NRK: variants seen among roughly 807,000 people sequenced by gnomAD.
The protein encoded by NRK is Nik related kinase.
In NRK, 67 loss-of-function variants were observed where a neutral mutation model predicts 125.2. That is an observed-to-expected ratio of 0.54 (90% CI 0.44 to 0.66). The LOEUF (loss-of-function observed/expected upper bound fraction) is 0.66, where lower values mean the gene tolerates loss of function less well. NRK is among the 30% of genes least tolerant of loss of function. The pLI, the probability that NRK is intolerant of heterozygous loss-of-function variation, is 0.00. For missense variants in NRK, 1,224 were observed against 1,192.9 expected, an observed-to-expected ratio of 1.03 and a Z score of -0.38; for synonymous variants, 458 against 429.0, an observed-to-expected ratio of 1.07 and a Z score of -0.84.
chrX:105,824,145 T>TA (rs768716985), intron 1 of NRK, among the ~76,000 whole-genome samples: 202 of 111,973 alleles, frequency 1.8e-3, no homozygotes, highest in African/African-American at 6.3e-3. Context: ...CTCTGCCATT[T>TA]AAAAAAAATC....
At chrX:105,948,295 A>G (rs2040844764) in intron 26 of NRK, 1 of 118,229 alleles carries the variant, frequency 8.5e-6, no homozygotes, top group African/African-American at 3.2e-5. Flanking sequence ...CCCAATTAGG[A>G]TACCTTGTGT....
At chrX:105,948,467 C>G (rs1224520549) in intron 26 of NRK, 1 of 327,308 alleles carries the variant, frequency 3.1e-6, no homozygotes. Flanking sequence ...TACAAGGGAA[C>G]CATGTGTGCT....
At chrX:105,947,652 C>T (rs895415567) in intron 26 of NRK, among the ~76,000 whole-genome samples, 3 of 111,177 alleles carry the variant, frequency 2.7e-5, no homozygotes, top group Non-Finnish European at 5.7e-5. Context: ...AAAAGGAAGG[C>T]CTAAACCAAC....
rs35145709 is a variant in NRK at position 105,949,686 on chromosome X, C to T, written c.4465C>T (p.Leu1489Phe). The T allele has an allele frequency of 3.7e-4, 443 of 1,200,043 alleles. 2 individuals carry two copies. The African/African-American group carries it at 6.8e-3, about 19-fold the overall frequency. ...CCTCTCTGTGGAAGCAAATGAACAA[C>T]TCTTCAAGAAGATCCTTGAAATGTG... ...EALSVEANEQ[L>F]FKKILEMWKD... The change falls in exon 27 of 29, where the codon CTC (leucine) becomes TTC (phenylalanine). Residue 1489 changes from leucine to phenylalanine, a missense_variant. Physicochemically the swap from Leu to Phe is conservative, Grantham distance 22. Coordinates refer to ENST00000243300, the MANE Select transcript of NRK (RefSeq NM_198465.4).
chrX:105,921,613 T>C (rs1216848837), intron 16 of NRK, among the ~76,000 whole-genome samples: 2 of 110,026 alleles, frequency 1.8e-5, no homozygotes, highest in Non-Finnish European at 3.8e-5. Flanking sequence ...CTCCCAGTCC[T>C]TCCTACTCTT....
chrX:105,926,760 C>T (rs1219371130), intron 19 of NRK, among the ~76,000 whole-genome samples: 4 of 110,908 alleles, frequency 3.6e-5, no homozygotes, highest in Admixed American at 2.9e-4. Context: ...GTTCTTTCCC[C>T]AGTGAATATT....
chrX:105,953,389 G>GA (rs1464790985), intron 28 of NRK, among the ~76,000 whole-genome samples: 1 of 111,689 alleles, frequency 9.0e-6, no homozygotes, highest in Non-Finnish European at 1.9e-5. Context: ...AGCTCATTTT[G>GA]AAAAAAATAA....
chrX:105,909,239 G>T lies in NRK; in HGVS notation c.1598G>T (p.Gly533Val), dbSNP rs1342547183. Reference protein sequence around the residue: ...QDQVPEQQRQGQAPEQQQRHN... With the variant: ...QDQVPEQQRQVQAPEQQQRHN... ...CAGGTACCCGAACAACAAAGGCAGGGCCAGGCCCCTGAACAACAGCAGAGG... is the reference window on the plus strand; with the variant it reads ...CAGGTACCCGAACAACAAAGGCAGGTCCAGGCCCCTGAACAACAGCAGAGG... Residue 533 changes from glycine to valine, a missense_variant, in exon 13 of 29, where the codon GGC becomes GTC. Coordinates refer to ENST00000243300, the MANE Select transcript of NRK (RefSeq NM_198465.4). 1.7e-6 allele frequency: 2 copies of T among 1,209,737 alleles called. No individual in the cohort carries two copies. The highest frequency in any genetic ancestry group is 3.0e-5 in the East Asian group (1 of 33,613).
At chrX:105,953,608 G>T (rs1257997785) in intron 28 of NRK, among the ~76,000 whole-genome samples, 1 of 111,667 alleles carries the variant, frequency 9.0e-6, no homozygotes, top group Non-Finnish European at 1.9e-5. Context: ...GCACTTAATT[G>T]TATAGTAGGC....
At chrX:105,940,547 C>A (rs1045609995) in intron 23 of NRK, among the ~76,000 whole-genome samples, 1 of 111,134 alleles carries the variant, frequency 9.0e-6, no homozygotes, top group Non-Finnish European at 1.9e-5. Context: ...CTGTGATCTG[C>A]TGGCTCTCAC....
chrX:105,835,784 T>A (rs1163951084), intron 2 of NRK, among the ~76,000 whole-genome samples: 1 of 110,423 alleles, frequency 9.1e-6, no homozygotes, highest in Non-Finnish European at 1.9e-5. Context: ...CTGCAGTGGC[T>A]TCTCATCTCC....
chrX:105,824,715 A>C (rs2039070512), intron 1 of NRK, among the ~76,000 whole-genome samples: 1 of 110,923 alleles, frequency 9.0e-6, no homozygotes, highest in Non-Finnish European at 1.9e-5. Context: ...AGATAAGAGG[A>C]AAGTCTGCAG....
chrX:105,923,891 C>CTATATATATA (rs1204761152), intron 18 of NRK, among the ~76,000 whole-genome samples: 1,089 of 47,519 alleles, frequency 0.023, 20 homozygotes, highest in Non-Finnish European at 0.03. Flanking sequence ...TGTGATATCA[C>CTATATATATA]TATATATATA....
chrX:105,884,256 T>C (rs1569300840), intron 4 of NRK, among the ~76,000 whole-genome samples: 2 of 111,973 alleles, frequency 1.8e-5, no homozygotes, highest in Non-Finnish European at 3.8e-5. Flanking sequence ...GTTGAATGTT[T>C]ATAGGTAAAT....
chrX:105,882,958 A>T (rs1191019569), intron 4 of NRK, among the ~76,000 whole-genome samples: 2 of 112,352 alleles, frequency 1.8e-5, no homozygotes, highest in Non-Finnish European at 3.8e-5. Flanking sequence ...TTCCTTAGAG[A>T]AAAGGATTTT....
intron 1 of NRK, among the ~76,000 whole-genome samples, chrX:105,826,293 T>TATAGA (rs1189322864): frequency 3.2e-4 from 14 of 44,153 alleles, no homozygotes; most frequent in African/African-American, 2.2e-3. Context: ...ATATATATTA[T>TATAGA]CATATATATA....
At chrX:105,847,511 A>G (rs2039418327) in intron 2 of NRK, among the ~76,000 whole-genome samples, 1 of 112,319 alleles carries the variant, frequency 8.9e-6, no homozygotes, top group Non-Finnish European at 1.9e-5. Flanking sequence ...CAGCATGCCC[A>G]GTGCACAATA....
chrX:105,876,246 A>G (rs1441360099), intron 2 of NRK, among the ~76,000 whole-genome samples: 1 of 111,102 alleles, frequency 9.0e-6, no homozygotes, highest in African/African-American at 3.3e-5. Flanking sequence ...TGTTATAAAT[A>G]TATTTACTAA....
At chrX:105,843,372 C>CA (rs1402952720) in intron 2 of NRK, among the ~76,000 whole-genome samples, 1 of 111,743 alleles carries the variant, frequency 8.9e-6, no homozygotes, top group African/African-American at 3.3e-5. Flanking sequence ...ACGATATGTG[C>CA]AAAAATGACC....
Sources: gnomAD v4.1 joint callset for allele counts (sites outside exome capture counted in the v4.1 genomes callset) on GRCh38, gnomAD v4.1.1 for gene constraint, MANE v1.5 for transcripts, NCBI Gene and HGNC (gene_info 2026-07-23, HGNC 2026-07-21) for gene names.